The following BMP6 variants were observed in gnomAD, a reference collection of about 807,000 sequenced individuals.
The protein encoded by BMP6 is VG-1-R.
BMP6 carries 17 observed loss-of-function variants against 54.1 expected under a neutral mutation model. The observed-to-expected ratio is 0.31, with a 90% CI of 0.22 to 0.47. The LOEUF (loss-of-function observed/expected upper bound fraction) is 0.47, where lower values mean the gene tolerates loss of function less well. Ranked by LOEUF, BMP6 falls within the 20% of genes least tolerant of loss-of-function variation. The probability of loss-of-function intolerance (pLI) is 1.00; values close to 1 mark genes in which losing one functional copy is unlikely to be tolerated. For missense variants in BMP6, 720 were observed against 690.4 expected (o/e 1.04, Z -0.48); for synonymous variants, 328 against 291.2 (o/e 1.13, Z -1.28).
At chr6:7,728,351 C>G (rs1374885470) in intron 1 of BMP6, among the ~76,000 whole-genome samples, 1 of 152,204 alleles carries the variant, frequency 6.6e-6, no homozygotes, top group African/African-American at 2.4e-5. Context: ...GCCCAAGCTG[C>G]ACGGGCAGAG....
At chr6:7,791,511 CCATCTT>C (rs1758106845) in intron 1 of BMP6, among the ~76,000 whole-genome samples, 1 of 152,136 alleles carries the variant, frequency 6.6e-6, no homozygotes, top group African/African-American at 2.4e-5. Context: ...CTCTGCTTCT[CCATCTT>C]CATGGCAACC....
intron 1 of BMP6, among the ~76,000 whole-genome samples, 187 bp downstream of exon 1, chr6:7,727,806 C>T (rs1324248834): frequency 1.3e-5 from 2 of 151,382 alleles, no homozygotes; most frequent in Non-Finnish European, 2.9e-5. Context: ...ATGCGCTCCC[C>T]CGCGCCGCGG....
At chr6:7,809,267 TATC>T in intron 1 of BMP6, among the ~76,000 whole-genome samples, 1 of 152,324 alleles carries the variant, frequency 6.6e-6, no homozygotes, top group Non-Finnish European at 1.5e-5. Flanking sequence ...GGGAAATAGA[TATC>T]ATGTGTTTCC....
Position 7,726,905 on chromosome 6 carries a change from C to G in BMP6, c.-51C>G. ...ACAGCGGCCGCGCTCCGGCCTCGCT[C>G]CGCCGCTCCACGCCTCGCGGGATCC... On this transcript the variant is annotated 5_prime_UTR_variant, in exon 1 of 7. Coordinates refer to ENST00000283147, the MANE Select transcript of BMP6 (RefSeq NM_001718.6). The G allele has an allele frequency of 1.8e-6, 2 of 1,098,842 alleles. No homozygotes were observed. The highest frequency in any genetic ancestry group is 2.2e-6 in the Non-Finnish European group (2 of 901,080). The allele number at this position is 1,098,842 out of a possible 1,614,324, so 68.1% of individuals were successfully genotyped here.
At chr6:7,780,695 A>G (rs746464574) in intron 1 of BMP6, among the ~76,000 whole-genome samples, 1 of 137,408 alleles carries the variant, frequency 7.3e-6, no homozygotes, top group Non-Finnish European at 1.6e-5. Context: ...AGACAATTCT[A>G]TTTTTATTTT....
intron 1 of BMP6, among the ~76,000 whole-genome samples, chr6:7,764,522 GCTA>G (rs1420645381): frequency 6.6e-6 from 1 of 151,762 alleles, no homozygotes; most frequent in Non-Finnish European, 1.5e-5. Flanking sequence ...TAGAGAACGT[GCTA>G]CTGCGATGGA....
chr6:7,772,566 G>A (rs537858785), intron 1 of BMP6, among the ~76,000 whole-genome samples: 70 of 152,280 alleles, frequency 4.6e-4, no homozygotes, highest in Non-Finnish European at 9.1e-4. Flanking sequence ...CAATGGGACC[G>A]AGTACCATGC....
chr6:7,800,079 GGTGTGTGTGTGTGTGTGTGTGTGT>G (rs72469855), intron 1 of BMP6, among the ~76,000 whole-genome samples: 15 of 145,160 alleles, frequency 1.0e-4, no homozygotes, highest in African/African-American at 3.6e-4. Context: ...TAAAGGAAGG[GGTGTGTGTGTGTGTGTGTGTGTGT>G]GTGTGTGTGT....
At chr6:7,836,065 T>C (rs903241796) in intron 1 of BMP6, among the ~76,000 whole-genome samples, 1 of 152,102 alleles carries the variant, frequency 6.6e-6, no homozygotes, top group Non-Finnish European at 1.5e-5. Flanking sequence ...GGTCTCAAAC[T>C]CCTGACCTCA....
chr6:7,812,220 C>T (rs897912340), intron 1 of BMP6, among the ~76,000 whole-genome samples: 6 of 152,172 alleles, frequency 3.9e-5, no homozygotes. Flanking sequence ...TCTCAGAACT[C>T]AGTGAATTAA....
At chr6:7,772,933 G>A (rs1018207517) in intron 1 of BMP6, among the ~76,000 whole-genome samples, 5 of 152,206 alleles carry the variant, frequency 3.3e-5, no homozygotes, top group Non-Finnish European at 7.4e-5. Context: ...CTATCTCCTT[G>A]TGGTGCTTTA....
intron 1 of BMP6, among the ~76,000 whole-genome samples, chr6:7,767,158 T>G (rs1757705863): frequency 6.6e-6 from 1 of 152,054 alleles, no homozygotes; most frequent in Admixed American, 6.5e-5. Flanking sequence ...GGCTAATTTT[T>G]TGTATTTTTA....
chr6:7,872,920 C>T (rs55855929), intron 4 of BMP6, among the ~76,000 whole-genome samples: 7,339 of 151,330 alleles, frequency 0.048, 261 homozygotes, highest in East Asian at 0.12. Flanking sequence ...TCAAGCAGTC[C>T]TCCCACCTTA....
At chr6:7,827,248 C>T (rs1273080806) in intron 1 of BMP6, among the ~76,000 whole-genome samples, 2 of 152,208 alleles carry the variant, frequency 1.3e-5, no homozygotes, top group African/African-American at 2.4e-5. Context: ...GGACCTGCTG[C>T]GCTTCAGGGG....
intron 1 of BMP6, among the ~76,000 whole-genome samples, chr6:7,822,025 C>G (rs1561782851): frequency 6.9e-6 from 1 of 145,822 alleles, no homozygotes; most frequent in Non-Finnish European, 1.5e-5. Flanking sequence ...GCAGGAGGGA[C>G]TTTTTTTTTT....
intron 4 of BMP6, among the ~76,000 whole-genome samples, chr6:7,863,790 G>A (rs1026420618): frequency 5.9e-5 from 9 of 152,068 alleles, no homozygotes; most frequent in Admixed American, 1.3e-4. Context: ...AGGCTGAGGC[G>A]GGCGGATTAC....
At chr6:7,820,754 A>G (rs570747145) in intron 1 of BMP6, among the ~76,000 whole-genome samples, 6 of 152,142 alleles carry the variant, frequency 3.9e-5, no homozygotes, top group African/African-American at 1.4e-4. Flanking sequence ...AGCAGTCCCA[A>G]CCTTTTTGAC....
At chr6:7,857,499 C>A (rs267203) in intron 2 of BMP6, among the ~76,000 whole-genome samples, 124,281 of 152,176 alleles carry the variant, frequency 0.82, 50,957 homozygotes, top group East Asian at 1. Context: ...TGGTTTGCCA[C>A]CTTGAGAGTA....
intron 1 of BMP6, among the ~76,000 whole-genome samples, chr6:7,743,615 G>T (rs1230669191): frequency 1.3e-5 from 2 of 152,114 alleles, no homozygotes; most frequent in African/African-American, 4.8e-5. Context: ...TGTTTTCGTG[G>T]CCCCTTGGTG....
Sources: allele counts gnomAD v4.1 joint callset (sites outside exome capture counted in the v4.1 genomes callset), GRCh38; gene constraint gnomAD v4.1.1; transcripts MANE v1.5; gene names NCBI Gene and HGNC (gene_info 2026-07-23, HGNC 2026-07-21).